PRKCZ: variants seen among roughly 807,000 people sequenced by gnomAD.
PRKCZ encodes protein kinase C zeta type.
A neutral mutation model predicts 79.5 loss-of-function variants in PRKCZ; 33 were observed. The ratio of observed to expected loss-of-function variants is 0.41; its 90% CI spans 0.31 to 0.55. The LOEUF (loss-of-function observed/expected upper bound fraction) is 0.55. PRKCZ is among the 20% of genes least tolerant of loss of function. The pLI, the probability that PRKCZ is intolerant of heterozygous loss-of-function variation, is 0.19. For missense variants in PRKCZ, 578 were observed against 813.5 expected (o/e 0.71, Z 3.52); for synonymous variants, 342 against 320.9 (o/e 1.07, Z -0.70).
intron 1 of PRKCZ, chr1:2,051,020 C>G (rs925806222): frequency 7.1e-6 from 2 of 280,528 alleles, no homozygotes; most frequent in Admixed American, 1.1e-4. Context: ...CCTGTAAGGA[C>G]TGAAAGTTTT....
chr1:2,181,052 GC>G (rs1686505125), intron 16 of PRKCZ, among the ~76,000 whole-genome samples: 2 of 152,088 alleles, frequency 1.3e-5, no homozygotes. Flanking sequence ...GCCATGCGGG[GC>G]CTAGCCCAGC....
intron 4 of PRKCZ, among the ~76,000 whole-genome samples, chr1:2,085,792 C>A (rs573034187): frequency 6.6e-6 from 1 of 151,840 alleles, no homozygotes; most frequent in Non-Finnish European, 1.5e-5. Flanking sequence ...CGTGAGGCAC[C>A]GTGCTGGAGG....
chr1:2,181,359 C>T (rs981897707), intron 16 of PRKCZ, among the ~76,000 whole-genome samples: 4 of 152,242 alleles, frequency 2.6e-5, no homozygotes, highest in African/African-American at 9.6e-5. Flanking sequence ...CCCATTGACA[C>T]GGAACGGGCC....
intron 4 of PRKCZ, among the ~76,000 whole-genome samples, chr1:2,081,021 T>G (rs1451703860): frequency 6.6e-6 from 1 of 152,152 alleles, no homozygotes; most frequent in African/African-American, 2.4e-5. Context: ...TGGCCTTGCG[T>G]GTCACCTGGC....
chr1:2,079,133 C>T (rs539723454), intron 4 of PRKCZ, among the ~76,000 whole-genome samples: 120 of 152,326 alleles, frequency 7.9e-4, no homozygotes, highest in African/African-American at 2.6e-3. Flanking sequence ...TGAGCCACTG[C>T]GCCCGGCCTG....
intron 4 of PRKCZ, among the ~76,000 whole-genome samples, chr1:2,086,362 T>C (rs1354523614): frequency 6.6e-6 from 1 of 151,994 alleles, no homozygotes; most frequent in Non-Finnish European, 1.5e-5. Flanking sequence ...GGCCTCAGCC[T>C]CCCTAAGTGC....
At chr1:2,085,278 G>C (rs997690755) in intron 4 of PRKCZ, among the ~76,000 whole-genome samples, 2 of 152,254 alleles carry the variant, frequency 1.3e-5, no homozygotes, top group African/African-American at 4.8e-5. Flanking sequence ...GCGTGGGCGT[G>C]AAGCTGGTAG....
chr1:2,121,964 G>C (rs1275927906), intron 4 of PRKCZ, among the ~76,000 whole-genome samples: 4 of 126,268 alleles, frequency 3.2e-5, no homozygotes, highest in Admixed American at 8.4e-5. Flanking sequence ...CGGTGGTTAG[G>C]GTCACGGTGG....
intron 4 of PRKCZ, chr1:2,073,577 T>C: frequency 3.1e-6 from 3 of 975,292 alleles, no homozygotes; most frequent in Non-Finnish European, 3.7e-6. Flanking sequence ...GCCCGCTCTC[T>C]GGACTGTGCT....
chr1:2,052,091 C>T (rs1460869944), intron 1 of PRKCZ, among the ~76,000 whole-genome samples: 6 of 152,166 alleles, frequency 3.9e-5, no homozygotes, highest in Non-Finnish European at 7.4e-5. Flanking sequence ...CTTCCTGTCT[C>T]CTTGCCATTC....
intron 4 of PRKCZ, among the ~76,000 whole-genome samples, chr1:2,067,680 T>A (rs1006542843): frequency 6.6e-6 from 1 of 152,180 alleles, no homozygotes; most frequent in Admixed American, 6.5e-5. Flanking sequence ...CGGGCCCCTC[T>A]CCCGCTTGTT....
rs76952259 is a variant in PRKCZ, at chr1:2,071,719, C to T, written c.334+12128C>T. Among the ~76,000 whole-genome samples, 746 of 152,258 alleles carry T rather than the reference C, an allele frequency of 4.9e-3. 7 individuals are homozygous for T. The highest frequency in any genetic ancestry group is 8.2e-3 in the Non-Finnish European group (559 of 68,028). On this transcript the variant is annotated intron_variant, in intron 4 of 17. Transcript: ENST00000378567. Reference sequence around the variant, plus strand: ...AAGGACAGTGGTCGTGCTGCTGAGCCGGCCGTCTGTGTGAAGTTTACACTG... The same window carrying T: ...AAGGACAGTGGTCGTGCTGCTGAGCTGGCCGTCTGTGTGAAGTTTACACTG...
At position 2,129,644 on chromosome 1, in the gene PRKCZ, G is replaced by T. The variant is rs186722713; in HGVS notation, c.335-5618G>T. ...ATGAGAGCTGTGGGGAGCCAGGCAG[G>T]GGGGGTCTCTGGGAACTCTCCAATT... On this transcript the variant is annotated intron_variant, in intron 4 of 17. Coordinates refer to ENST00000378567, the MANE Select transcript of PRKCZ (RefSeq NM_002744.6). 2.1e-4 allele frequency among the ~76,000 whole-genome samples: 32 copies of T among 152,230 alleles called. 1 individual carries two copies. Among genetic ancestry groups the T allele is most frequent in the Admixed American group, 1.7e-3 (26 of 15,270 alleles).
rs1481802189 is a variant in PRKCZ, at chr1:2,107,310, T to C, written c.335-27952T>C. On this transcript the variant is annotated intron_variant, in intron 4 of 17. Coordinates refer to ENST00000378567, the MANE Select transcript of PRKCZ (RefSeq NM_002744.6). ...CACTGAGGCGGGATTGCGTCCTCCC[T>C]CTCCTGAGGCAGGTCCTGCTCCAGA... is the stretch of plus-strand genomic sequence containing the variant. Among the ~76,000 whole-genome samples, 3 of 152,278 alleles carry C rather than the reference T, an allele frequency of 2.0e-5. No homozygotes were observed. The East Asian group carries it at 5.8e-4, about 29-fold the overall frequency.
intron 10 of PRKCZ, among the ~76,000 whole-genome samples, chr1:2,162,090 A>C (rs1327095022): frequency 2.6e-5 from 4 of 152,126 alleles, no homozygotes; most frequent in Non-Finnish European, 5.9e-5. Flanking sequence ...TGTGGACTTT[A>C]TAATCAACCC....
chr1:2,055,253 T>C (rs878990876), intron 1 of PRKCZ, among the ~76,000 whole-genome samples, 188 bp from the exon 2 acceptor site: 1 of 150,622 alleles, frequency 6.6e-6, no homozygotes, highest in South Asian at 2.1e-4. Flanking sequence ...TGGTGGCCAT[T>C]TTTTAAACTA....
intron 4 of PRKCZ, among the ~76,000 whole-genome samples, chr1:2,065,566 C>T (rs1661053850): frequency 6.6e-6 from 1 of 151,688 alleles, no homozygotes; most frequent in African/African-American, 2.4e-5. Context: ...GTAGTCCCAG[C>T]TACTCGGGAG....
intron 4 of PRKCZ, among the ~76,000 whole-genome samples, chr1:2,126,811 A>C (rs182016709): frequency 1.3e-5 from 2 of 152,264 alleles, no homozygotes; most frequent in East Asian, 1.9e-4. Context: ...AGCAGTCCCC[A>C]TGCCACTGCA....
rs900062335 is a variant in PRKCZ at position 2,173,841 on chromosome 1, G to A, written c.1286-56G>A. 80 of 1,520,832 alleles carry A rather than the reference G, an allele frequency of 5.3e-5. No individual in the cohort carries two copies. The highest frequency in any genetic ancestry group is 6.6e-5 in the Non-Finnish European group (74 of 1,129,500). The allele number at this position is 1,520,832 out of a possible 1,614,324, so 94.2% of individuals were successfully genotyped here. On this transcript the variant is annotated intron_variant, in intron 13 of 17. Coordinates refer to ENST00000378567, the MANE Select transcript of PRKCZ (RefSeq NM_002744.6). This position sits in a 1 kb window ranked among gnomAD's most constrained non-coding sequence, Gnocchi z 5.7. ...ATGAAAACCAACGCCAGCCAGGTTCGTCCTGCTGCCGGCCCATGTGGCCCC... is the reference window on the plus strand; with the variant it reads ...ATGAAAACCAACGCCAGCCAGGTTCATCCTGCTGCCGGCCCATGTGGCCCC...
Sources: gnomAD v4.1 joint callset for allele counts (sites outside exome capture counted in the v4.1 genomes callset) on GRCh38, gnomAD v4.1.1 for gene constraint, Gnocchi (gnomAD v3.1) non-coding constraint, MANE v1.5 for transcripts, NCBI Gene and HGNC (gene_info 2026-07-23, HGNC 2026-07-21) for gene names.